The following ELAC1 variants were observed in gnomAD, a reference collection of about 807,000 sequenced individuals.
The protein encoded by ELAC1 is zinc phosphodiesterase ELAC protein 1.
ELAC1 carries 19 observed loss-of-function variants against 25.8 expected under a neutral mutation model. The observed-to-expected ratio is 0.74, with a 90% CI of 0.51 to 1.08. ELAC1 has a LOEUF of 1.08. Among genes scored for constraint, ELAC1 ranks in the 50% least tolerant of loss-of-function variants. The pLI is 0.00. For synonymous variants in ELAC1, 148 were observed against 160.9 expected, an observed-to-expected ratio of 0.92 and a Z score of 0.61; for missense variants, 403 against 434.6, an observed-to-expected ratio of 0.93 and a Z score of 0.65.
intron 3 of ELAC1, among the ~76,000 whole-genome samples, chr18:50,985,272 T>C (rs867452366): frequency 8.5e-5 from 13 of 152,238 alleles, no homozygotes; most frequent in African/African-American, 2.9e-4. Context: ...CCATCGTTCT[T>C]AACCTTACAA....
intron 2 of ELAC1, among the ~76,000 whole-genome samples, chr18:50,978,663 T>A (rs771295329): frequency 2.0e-4 from 30 of 151,558 alleles, no homozygotes; most frequent in Non-Finnish European, 2.9e-4. Flanking sequence ...TGTGTGTGTG[T>A]GAGAGAGAGA....
intron 2 of ELAC1, among the ~76,000 whole-genome samples, chr18:50,983,770 C>T (rs2144323545): frequency 6.7e-6 from 1 of 150,284 alleles, no homozygotes; most frequent in African/African-American, 2.4e-5. Flanking sequence ...AGTAGGATCA[C>T]TTGAGTCCAG....
At chr18:50,969,836 G>T (rs1023308696) in intron 1 of ELAC1, 1 of 152,192 alleles carries the variant, frequency 6.6e-6, no homozygotes, top group African/African-American at 2.4e-5. Flanking sequence ...TGTGTCTGAA[G>T]TTTTTCAGAA....
intron 1 of ELAC1, among the ~76,000 whole-genome samples, chr18:50,971,068 G>C (rs1907638753): frequency 6.6e-6 from 1 of 152,134 alleles, no homozygotes. Flanking sequence ...AAAATATTCA[G>C]CCATTTTCCT....
At chr18:50,979,627 AG>A (rs1907887601) in intron 2 of ELAC1, among the ~76,000 whole-genome samples, 3 of 152,148 alleles carry the variant, frequency 2.0e-5, no homozygotes, top group African/African-American at 7.2e-5. Flanking sequence ...ACTCAAGGAG[AG>A]GGGATTGTAG....
chr18:50,975,499 C>T (rs1476081102), intron 2 of ELAC1, among the ~76,000 whole-genome samples: 2 of 151,074 alleles, frequency 1.3e-5, no homozygotes, highest in East Asian at 3.9e-4. Context: ...AAGTACGTTC[C>T]ATGATCATTT....
At chr18:50,969,459 A>G (rs1907591160) in intron 1 of ELAC1, 1 of 152,270 alleles carries the variant, frequency 6.6e-6, no homozygotes. Flanking sequence ...GGAGTTAGAT[A>G]GCATCTTGCC....
At chr18:50,983,605 T>C (rs1908018296) in intron 2 of ELAC1, among the ~76,000 whole-genome samples, 1 of 151,970 alleles carries the variant, frequency 6.6e-6, no homozygotes, top group Non-Finnish European at 1.5e-5. Context: ...TCCCAGCACT[T>C]TGGGAGGCCA....
At chr18:50,976,357 G>A (rs749841894) in intron 2 of ELAC1, among the ~76,000 whole-genome samples, 2 of 152,240 alleles carry the variant, frequency 1.3e-5, no homozygotes, top group Non-Finnish European at 2.9e-5. Context: ...ACAAAAAAGA[G>A]GTTTAATGGA....
In ELAC1 at chr18:50,974,447, C is replaced by T. The variant is rs767244455; in HGVS notation, c.43C>T (p.Pro15Ser). Residue 15 changes from proline (P) to serine (S), a missense_variant, in exon 2 of 4, where the codon CCA becomes TCA. Physicochemically the swap from Pro to Ser is moderately conservative, Grantham distance 74. Coordinates refer to ENST00000269466, the MANE Select transcript of ELAC1 (RefSeq NM_018696.3). The part of the protein sequence containing the change: ...VTFLGTGAAY[P>S]SPTRGASAVV... ...ATTCCTGGGGACGGGTGCAGCATACCCATCTCCAACCCGGGGTGCCTCTGC... is the reference window on the plus strand; with the variant it reads ...ATTCCTGGGGACGGGTGCAGCATACTCATCTCCAACCCGGGGTGCCTCTGC... The T allele has an allele frequency of 1.3e-6, 2 of 1,588,042 alleles. No individual in the cohort carries two copies. The highest frequency in any genetic ancestry group is 2.3e-5 in the South Asian group (2 of 86,998).
intron 2 of ELAC1, among the ~76,000 whole-genome samples, chr18:50,983,736 C>A (rs1908022756): frequency 6.6e-6 from 1 of 150,548 alleles, no homozygotes; most frequent in Non-Finnish European, 1.5e-5. Context: ...GGTCTGTAGT[C>A]CTAGCTACTT....
At chr18:50,976,471 G>A (rs1907798237) in intron 2 of ELAC1, among the ~76,000 whole-genome samples, 1 of 152,132 alleles carries the variant, frequency 6.6e-6, no homozygotes, top group Admixed American at 6.5e-5. Context: ...ATATGCAGGG[G>A]AACCACCCTT....
chr18:50,983,170 T>TTG (rs1397403426), intron 2 of ELAC1, among the ~76,000 whole-genome samples: 1 of 141,130 alleles, frequency 7.1e-6, no homozygotes, highest in Non-Finnish European at 1.5e-5. Flanking sequence ...TTTTTTTTTT[T>TTG]TTTTTTTTTT....
rs1415197280 is a variant in ELAC1 at position 50,986,898 on chromosome 18, A to G, written c.905A>G (p.Lys302Arg). 1.2e-6 allele frequency: 2 copies of G among 1,613,900 alleles called. No homozygotes were observed. Among genetic ancestry groups the G allele is most frequent in the African/African-American group, 1.3e-5 (1 of 75,048 alleles). The change falls in exon 4 of 4, where the codon AAG becomes AGG. Residue 302 changes from lysine (K) to arginine (R), a missense_variant. By Grantham distance (26) the Lys-to-Arg change is conservative. Transcript: ENST00000269466. ...STPQMAATFA[K>R]LCRAKRLVLT... ...CCACAGATGGCAGCAACATTTGCAA[A>G]GTTGTGCCGTGCAAAGAGGCTGGTT...
chr18:50,969,079 A>T (rs1479036594), intron 1 of ELAC1: 1 of 152,224 alleles, frequency 6.6e-6, no homozygotes, highest in Non-Finnish European at 1.5e-5. Flanking sequence ...TAAAGCCATT[A>T]TCAGTGTACT....
intron 1 of ELAC1, among the ~76,000 whole-genome samples, chr18:50,973,936 C>G (rs1907728006): frequency 6.6e-6 from 1 of 152,230 alleles, no homozygotes; most frequent in African/African-American, 2.4e-5. Flanking sequence ...CTCATTCACT[C>G]TAGTGGTGTT....
chr18:50,978,110 G>C (rs148414175), intron 2 of ELAC1, among the ~76,000 whole-genome samples: 1 of 152,260 alleles, frequency 6.6e-6, no homozygotes, highest in Non-Finnish European at 1.5e-5. Context: ...ATGTCTTCCT[G>C]TCTTCTGAGC....
intron 2 of ELAC1, among the ~76,000 whole-genome samples, chr18:50,976,963 T>C (rs1907809656): frequency 6.6e-6 from 1 of 152,240 alleles, no homozygotes; most frequent in Admixed American, 6.5e-5. Context: ...AGTCAAATCT[T>C]AAAGCTCCGA....
intron 1 of ELAC1, chr18:50,969,701 A>G (rs558857105): frequency 1.6e-4 from 24 of 152,346 alleles, no homozygotes; most frequent in African/African-American, 4.8e-4. Context: ...CGTTTGTCTT[A>G]TCAAGTATTC....
Sources: allele counts gnomAD v4.1 joint callset (sites outside exome capture counted in the v4.1 genomes callset), GRCh38; gene constraint gnomAD v4.1.1; transcripts MANE v1.5; gene names NCBI Gene and HGNC (gene_info 2026-07-23, HGNC 2026-07-21).